Variants in GRID2 observed in about 807,000 individuals in gnomAD.
GRID2 encodes the protein glutamate receptor ionotropic, delta-2.
A neutral mutation model predicts 114.8 loss-of-function variants in GRID2; 33 were observed. That is an observed-to-expected ratio of 0.29 (90% CI 0.22 to 0.38). The LOEUF (loss-of-function observed/expected upper bound fraction) is 0.38, where lower values mean the gene tolerates loss of function less well. Among genes scored for constraint, GRID2 ranks in the 10% least tolerant of loss-of-function variants. GRID2 has a pLI of 1.00. For synonymous variants in GRID2, 505 were observed against 449.9 expected (o/e 1.12, Z -1.55); for missense variants, 1,184 against 1,257.7 (o/e 0.94, Z 0.89).
intron 1 of GRID2, among the ~76,000 whole-genome samples, chr4:92,327,872 C>T (rs1242265777): frequency 6.6e-6 from 1 of 151,654 alleles, no homozygotes; most frequent in Non-Finnish European, 1.5e-5. Context: ...TAAAATAATA[C>T]ATGAAATAGG....
intron 10 of GRID2, among the ~76,000 whole-genome samples, chr4:93,432,928 G>A (rs1769560860): frequency 6.6e-6 from 1 of 152,098 alleles, no homozygotes; most frequent in African/African-American, 2.4e-5. Context: ...AAATTAGCTA[G>A]ACATGGTGGT....
At chr4:93,310,835 T>A (rs1040694462) in intron 8 of GRID2, among the ~76,000 whole-genome samples, 2 of 152,194 alleles carry the variant, frequency 1.3e-5, no homozygotes, top group Non-Finnish European at 2.9e-5. Context: ...GAGCAGACTG[T>A]TGTCTCTAAA....
intron 2 of GRID2, among the ~76,000 whole-genome samples, chr4:92,936,795 C>CT (rs1160006121): frequency 6.8e-6 from 1 of 146,486 alleles, no homozygotes; most frequent in Non-Finnish European, 1.5e-5. Flanking sequence ...TAATTACTTA[C>CT]TTCTGAGAAT....
intron 14 of GRID2, among the ~76,000 whole-genome samples, chr4:93,674,245 C>T (rs1470562826): frequency 6.6e-6 from 1 of 152,106 alleles, no homozygotes; most frequent in African/African-American, 2.4e-5. Flanking sequence ...CACTAATACT[C>T]GTGAGCGTGA....
At chr4:93,729,599 G>T (rs1398150843) in intron 14 of GRID2, among the ~76,000 whole-genome samples, 1 of 151,470 alleles carries the variant, frequency 6.6e-6, no homozygotes, top group Non-Finnish European at 1.5e-5. Flanking sequence ...AGGCTGGAGT[G>T]CAGTGGCACG....
chr4:93,694,483 G>C (rs567237548), intron 14 of GRID2, among the ~76,000 whole-genome samples: 1 of 152,158 alleles, frequency 6.6e-6, no homozygotes, highest in Non-Finnish European at 1.5e-5. Context: ...ATCCATGTAT[G>C]ATGCAGTTTC....
intron 9 of GRID2, among the ~76,000 whole-genome samples, chr4:93,419,636 A>G (rs1437769393): frequency 6.6e-6 from 1 of 152,094 alleles, no homozygotes; most frequent in East Asian, 1.9e-4. Context: ...TTTAAAAGGT[A>G]TGTTATCAAT....
At chr4:93,002,012 A>C (rs1721039553) in intron 2 of GRID2, among the ~76,000 whole-genome samples, 1 of 151,392 alleles carries the variant, frequency 6.6e-6, no homozygotes, top group East Asian at 1.9e-4. Flanking sequence ...CAGGTATCTA[A>C]GTAATTCTGT....
At chr4:93,703,598 A>C (rs2110145898) in intron 14 of GRID2, among the ~76,000 whole-genome samples, 1 of 149,642 alleles carries the variant, frequency 6.7e-6, no homozygotes, top group East Asian at 2.0e-4. Flanking sequence ...GCACCCAGTA[A>C]CTCGTCATTT....
At chr4:93,469,342 T>C (rs1724583623) in intron 11 of GRID2, among the ~76,000 whole-genome samples, 1 of 152,110 alleles carries the variant, frequency 6.6e-6, no homozygotes, top group Non-Finnish European at 1.5e-5. Flanking sequence ...AAAAAATTCT[T>C]TGCTACATCA....
intron 1 of GRID2, among the ~76,000 whole-genome samples, chr4:92,375,600 T>C (rs567626615): frequency 1.3e-4 from 20 of 152,300 alleles, no homozygotes; most frequent in African/African-American, 4.6e-4. Flanking sequence ...GGAGAAACTG[T>C]TTAATGCCAG....
intron 2 of GRID2, among the ~76,000 whole-genome samples, chr4:92,932,434 T>C (rs1750314329): frequency 1.3e-5 from 2 of 151,162 alleles, no homozygotes; most frequent in South Asian, 2.1e-4. Flanking sequence ...TGTGAAACAA[T>C]TGTAAACTAT....
chr4:92,760,505 C>T (rs1040055693), intron 2 of GRID2, among the ~76,000 whole-genome samples: 2 of 152,140 alleles, frequency 1.3e-5, no homozygotes, highest in East Asian at 1.9e-4. Context: ...CCCAGAACTA[C>T]TCTCCACAGC....
chr4:93,304,210 A>G (rs1042229723), intron 8 of GRID2, among the ~76,000 whole-genome samples: 5 of 9,380 alleles, frequency 5.3e-4, no homozygotes, highest in African/African-American at 1.2e-3. Context: ...TTTAAAATCG[A>G]GAACTATTTT....
At chr4:92,922,238 C>T (rs952215549) in intron 2 of GRID2, among the ~76,000 whole-genome samples, 1 of 152,104 alleles carries the variant, frequency 6.6e-6, no homozygotes, top group East Asian at 2.0e-4. Context: ...TTCCAGGTGC[C>T]ATCGTCACCC....
At chr4:93,221,678 GA>G (rs1224289235) in intron 6 of GRID2, among the ~76,000 whole-genome samples, 4 of 152,124 alleles carry the variant, frequency 2.6e-5, no homozygotes, top group African/African-American at 9.7e-5. Context: ...AATGATGACA[GA>G]AAAAAGCAAT....
At chr4:92,659,412 T>C (rs945535941) in intron 2 of GRID2, among the ~76,000 whole-genome samples, 1 of 151,484 alleles carries the variant, frequency 6.6e-6, no homozygotes, top group Non-Finnish European at 1.5e-5. Context: ...TACATCACTT[T>C]GGTGGGGAAT....
At chr4:93,788,183 T>G (rs1365327125) in intron 1 of GRID2, among the ~76,000 whole-genome samples, 1 of 151,856 alleles carries the variant, frequency 6.6e-6, no homozygotes, top group Non-Finnish European at 1.5e-5. Context: ...CCAGGCATGG[T>G]GGCAGGCACC....
At chr4:92,700,101 G>T (rs1407088909) in intron 2 of GRID2, among the ~76,000 whole-genome samples, 2 of 152,006 alleles carry the variant, frequency 1.3e-5, no homozygotes, top group Admixed American at 1.3e-4. Flanking sequence ...AATAATACAT[G>T]GAAAAAAATA....
Sources: gnomAD v4.1 joint callset for allele counts (sites outside exome capture counted in the v4.1 genomes callset) on GRCh38, gnomAD v4.1.1 for gene constraint, MANE v1.5 for transcripts, NCBI Gene and HGNC (gene_info 2026-07-23, HGNC 2026-07-21) for gene names.